The following FCGR2B variants were observed in gnomAD, a reference collection of about 807,000 sequenced individuals.
FCGR2B encodes the protein low affinity immunoglobulin gamma Fc region receptor II-b.
Under a neutral mutation model 24.8 loss-of-function variants are expected in FCGR2B, and 18 were observed. The ratio of observed to expected loss-of-function variants is 0.73; its 90% CI spans 0.50 to 1.08. The LOEUF is 1.08. Ranked by LOEUF, FCGR2B falls within the 50% of genes least tolerant of loss-of-function variation. The pLI, the probability that FCGR2B is intolerant of heterozygous loss-of-function variation, is 0.00. For synonymous variants in FCGR2B, 79 were observed against 109.8 expected (o/e 0.72, Z 1.75); for missense variants, 215 against 297.6 (o/e 0.72, Z 2.04).
At chr1:161,673,804 C>T (rs534128396) in intron 4 of FCGR2B, 156 bp from the exon 5 acceptor site, 9 of 468,572 alleles carry the variant, frequency 1.9e-5, no homozygotes, top group African/African-American at 5.9e-5. Flanking sequence ...GCCACAGAAA[C>T]CCTGTGCAGA....
rs1001099411 is a variant in FCGR2B, at chr1:161,677,783, A to T, written c.*230A>T. On this transcript the variant is annotated 3_prime_UTR_variant, in exon 8 of 8. Coordinates refer to ENST00000358671, the MANE Select transcript of FCGR2B (RefSeq NM_001394477.1). ...CTGTGCTTCAGCTCTTCTTGACATC[A>T]AGGCTCTTCCGTTCCACATCCACAC... 7 of 516,220 alleles carry T rather than the reference A, an allele frequency of 1.4e-5. No homozygotes were observed. The highest frequency in any genetic ancestry group is 1.2e-4 in the African/African-American group (6 of 51,504). The allele number at this position is 516,220 out of a possible 1,614,324, so 32.0% of individuals were successfully genotyped here. A position where few individuals can be genotyped will look rare whatever the true frequency, so the allele number is the denominator to read the frequency against.
At chr1:161,654,216 C>T in the FCGR2B span, among the ~76,000 whole-genome samples, 33,918 of 123,576 alleles carry the variant, frequency 0.27, 6,084 homozygotes, top group East Asian at 0.43. Context: ...GTTCTAGTCC[C>T]GCCTCAGTTT....
At chr1:161,677,128 C>A (rs1234893306) in intron 6 of FCGR2B, 200 bp from the exon 7 acceptor site, 3 of 598,930 alleles carry the variant, frequency 5.0e-6, no homozygotes, top group Non-Finnish European at 8.8e-6. Flanking sequence ...TTGGCCTTTG[C>A]GGAAGGCTGT....
In FCGR2B at chr1:161,671,660, G is replaced by A. The variant is rs774089480; in HGVS notation, c.391+11G>A. On this transcript the variant is annotated intron_variant, in intron 3 of 7. Coordinates refer to ENST00000358671, the MANE Select transcript of FCGR2B (RefSeq NM_001394477.1). Reference sequence around the variant, plus strand: ...TGACTGTGCTTTCTGGTCAGTGGAGGAAGGCCCCAGGGTGGACCTGGGAGG... The same window carrying A: ...TGACTGTGCTTTCTGGTCAGTGGAGAAAGGCCCCAGGGTGGACCTGGGAGG... The A allele has an allele frequency of 2.5e-6, 4 of 1,612,958 alleles. No individual in the cohort carries two copies. The highest frequency in any genetic ancestry group is 2.2e-5 in the East Asian group (1 of 44,852).
chr1:161,651,662 G>A, the FCGR2B span, among the ~76,000 whole-genome samples: 1 of 120,558 alleles, frequency 8.3e-6, no homozygotes, highest in Non-Finnish European at 1.9e-5. Flanking sequence ...CTGGCCGGGC[G>A]CAGTGGCTCA....
intron 3 of FCGR2B, 76 bp downstream of exon 3, chr1:161,671,725 A>G (rs754383891): frequency 4.4e-6 from 7 of 1,601,278 alleles, no homozygotes; most frequent in Admixed American, 1.7e-5. Context: ...AGAGGTTTGC[A>G]GGAAAGGGGG....
Position 161,673,233 on chromosome 1 carries a change from T to C in FCGR2B, c.646+4T>C. 6.3e-7 allele frequency: 1 copy of C among 1,592,278 alleles called. No individual in the cohort carries two copies. Among genetic ancestry groups the C allele is most frequent in the Non-Finnish European group, 8.6e-7 (1 of 1,168,940 alleles). On this transcript the variant is annotated splice_donor_region_variant and intron_variant, in intron 4 of 7. Coordinates refer to ENST00000358671, the MANE Select transcript of FCGR2B (RefSeq NM_001394477.1). ...CCTGTGACCATCACTGTCCAAGGTA[T>C]GCGGAGTCTGCCAAGATGTAAGGAG...
At chr1:161,652,507 T>A in the FCGR2B span, among the ~76,000 whole-genome samples, 1 of 134,946 alleles carries the variant, frequency 7.4e-6, no homozygotes, top group Non-Finnish European at 1.7e-5. Flanking sequence ...TTATGTATGT[T>A]GTCTACCTTT....
At chr1:161,652,375 G>T in the FCGR2B span, among the ~76,000 whole-genome samples, 3 of 131,476 alleles carry the variant, frequency 2.3e-5, 1 homozygote, top group Admixed American at 1.7e-4. Context: ...CAGCTGTATG[G>T]CATCTACTGA....
intron 7 of FCGR2B, 29 bp from the exon 8 acceptor site, chr1:161,677,447 T>C (rs759488858): frequency 2.0e-5 from 33 of 1,611,372 alleles, no homozygotes; most frequent in Non-Finnish European, 2.7e-5. Flanking sequence ...TCTCTGTGGA[T>C]CCTTACTGCT....
rs373559875 is a variant in FCGR2B, at chr1:161,673,003, G to A, written c.420G>A (p.Leu140=). 2 of 1,613,028 alleles carry A rather than the reference G, an allele frequency of 1.2e-6. No homozygotes were observed. Among genetic ancestry groups the A allele is most frequent in the South Asian group, 1.1e-5 (1 of 90,990 alleles). ...SEWLVLQTPH[L]EFQEGETIVL... is the part of the protein sequence containing the mutation. Reference sequence around the variant, plus strand: ...GGCTGGTGCTCCAGACCCCTCACCTGGAGTTCCAGGAGGGAGAAACCATCG... The same window carrying A: ...GGCTGGTGCTCCAGACCCCTCACCTAGAGTTCCAGGAGGGAGAAACCATCG... The change falls in exon 4 of 8, where the codon CTG becomes CTA. Residue 140 remains leucine, a synonymous_variant. Coordinates refer to ENST00000358671, the MANE Select transcript of FCGR2B (RefSeq NM_001394477.1).
intron 4 of FCGR2B, 160 bp from the exon 5 acceptor site, chr1:161,673,800 G>C: frequency 2.1e-6 from 1 of 472,494 alleles, no homozygotes; most frequent in Non-Finnish European, 4.0e-6. Flanking sequence ...TCCAGCCACA[G>C]AAACCCTGTG....
At position 161,677,560 on chromosome 1, in the gene FCGR2B, T is replaced by C. The variant is rs772845180; in HGVS notation, c.*7T>C. 6.3e-7 allele frequency: 1 copy of C among 1,594,424 alleles called. No homozygotes were observed. Among genetic ancestry groups the C allele is most frequent in the Non-Finnish European group, 8.6e-7 (1 of 1,164,678 alleles). On this transcript the variant is annotated 3_prime_UTR_variant, in exon 8 of 8. Coordinates refer to ENST00000358671, the MANE Select transcript of FCGR2B (RefSeq NM_001394477.1). ...TGACCAGAACCGTATTTAGTCTCCA[T>C]TGTCTTGCATTGGGATTTGAGAAGA... is the stretch of plus-strand genomic sequence containing the variant.
chr1:161,655,559 GC>G, the FCGR2B span, among the ~76,000 whole-genome samples: 1 of 25,400 alleles, frequency 3.9e-5, no homozygotes, highest in Non-Finnish European at 1.0e-4. Flanking sequence ...GAGACCTACT[GC>G]CAGGACTATC....
chr1:161,677,366 G>C lies in FCGR2B; in HGVS notation c.855+1G>C. The C allele has an allele frequency of 6.2e-7, 1 of 1,613,280 alleles. No individual in the cohort carries two copies. The highest frequency in any genetic ancestry group is 8.5e-7 in the Non-Finnish European group (1 of 1,179,624). ...TCCTGATGAGGCTGACAAAGTTGGG[G>C]TGAGTGATCCCAGCCATCTCCCCCT... On this transcript the variant is annotated splice_donor_variant, in intron 7 of 7. Coordinates refer to ENST00000358671, the MANE Select transcript of FCGR2B (RefSeq NM_001394477.1). LOFTEE classifies it high-confidence loss of function.
In FCGR2B at chr1:161,673,252, T is replaced by G. The variant is rs767171887; in HGVS notation, c.646+23T>G. The G allele has an allele frequency of 2.1e-5, 33 of 1,554,176 alleles. 1 individual carries two copies. The African/African-American group carries it at 4.1e-4, about 19-fold the overall frequency. ...AAGGTATGCGGAGTCTGCCAAGATG[T>G]AAGGAGGGGAGAAGAGGGGATGGAC... On this transcript the variant is annotated intron_variant, in intron 4 of 7. Coordinates refer to ENST00000358671, the MANE Select transcript of FCGR2B (RefSeq NM_001394477.1).
chr1:161,648,553 T>TA, the FCGR2B span, among the ~76,000 whole-genome samples: 1 of 151,090 alleles, frequency 6.6e-6, no homozygotes, highest in Non-Finnish European at 1.5e-5. Flanking sequence ...TTTGCACACT[T>TA]ACGAATTAGC....
chr1:161,654,900 G>GTT, the FCGR2B span, among the ~76,000 whole-genome samples: 505 of 124,282 alleles, frequency 4.1e-3, 38 homozygotes, highest in Middle Eastern at 9.3e-3. Context: ...ATTAATACAG[G>GTT]TTTTTTTGGG....
At chr1:161,654,382 TG>T in the FCGR2B span, among the ~76,000 whole-genome samples, 2 of 136,918 alleles carry the variant, frequency 1.5e-5, no homozygotes, top group South Asian at 2.4e-4. Flanking sequence ...TTGTTGTTGT[TG>T]TTGTTTTTTC....
Sources: allele counts gnomAD v4.1 joint callset (sites outside exome capture counted in the v4.1 genomes callset), GRCh38; gene constraint gnomAD v4.1.1; transcripts MANE v1.5; gene names NCBI Gene and HGNC (gene_info 2026-07-23, HGNC 2026-07-21).